MAPT: variants seen among roughly 807,000 people sequenced by gnomAD.
The protein encoded by MAPT is microtubule associated protein tau.
MAPT carries 34 observed loss-of-function variants against 67.9 expected under a neutral mutation model. That is an observed-to-expected ratio of 0.50 (90% confidence interval 0.38 to 0.67). MAPT has a LOEUF of 0.67. MAPT is among the 30% of genes least tolerant of loss of function. MAPT has a pLI of 0.00. For synonymous variants in MAPT, 456 were observed against 464.5 expected, an observed-to-expected ratio of 0.98 and a Z score of 0.23; for missense variants, 881 against 1,115.2, an observed-to-expected ratio of 0.79 and a Z score of 2.99.
intron 9 of MAPT, chr17:45,999,181 C>T: frequency 2.0e-6 from 3 of 1,488,010 alleles, no homozygotes; most frequent in Non-Finnish European, 2.7e-6. Flanking sequence ...CAGTTGCCAT[C>T]TCCTCCAGGA....
In MAPT at chr17:46,024,764, G is replaced by A. The variant is rs1324046818; in HGVS notation, c.*593G>A. ...GAGGAAGCACAAGAAGTGGGAGTGG[G>A]AGAGGAAGCCACGTGCTGGAGAGTA... On this transcript the variant is annotated 3_prime_UTR_variant, in exon 13 of 13. Transcript: ENST00000262410. 4 of 182,836 alleles carry A rather than the reference G, an allele frequency of 2.2e-5. No homozygotes were observed. The highest frequency in any genetic ancestry group is 2.1e-4 in the Admixed American group (4 of 18,620). 11.3% of individuals were successfully genotyped at this position (182,836 alleles called of 1,614,324 possible). A position where few individuals can be genotyped will look rare whatever the true frequency, so the allele number is the denominator to read the frequency against.
At chr17:45,970,683 A>C (rs1428277769) in intron 2 of MAPT, among the ~76,000 whole-genome samples, 1 of 152,220 alleles carries the variant, frequency 6.6e-6, no homozygotes. Flanking sequence ...GAGGAAACGG[A>C]GGCCCTGAGA....
intron 8 of MAPT, among the ~76,000 whole-genome samples, chr17:45,991,901 C>T (rs927198921): frequency 9.2e-5 from 14 of 151,986 alleles, no homozygotes; most frequent in African/African-American, 2.9e-4. Flanking sequence ...TCTCCTACCT[C>T]AGCCTCCCTA....
rs201057449 is a variant in MAPT, at chr17:45,996,442, C to T, written c.1776C>T (p.Pro592=). ...KSGDRSGYSS[P]GSPGTPGSRS... ...GGGATCGCAGCGGCTACAGCAGCCC[C>T]GGCTCCCCAGGCACTCCCGGCAGCC... The change falls in exon 9 of 13, where the codon CCC becomes CCT. Residue 592 remains proline (P), a synonymous_variant. Coordinates refer to ENST00000262410, the MANE Select transcript of MAPT (RefSeq NM_001377265.1). This position sits in a 1 kb window ranked among gnomAD's most constrained non-coding sequence, Gnocchi z 4.5. 1.5e-5 allele frequency: 24 copies of T among 1,612,824 alleles called. No homozygotes were observed. The highest frequency in any genetic ancestry group is 2.7e-5 in the African/African-American group (2 of 75,036).
rs1275279807 is a variant in MAPT, at chr17:45,971,651, G to T, written c.134-208G>T. ...ACGCACATCACCTGTGTCCTCATCT[G>T]ATGGCCCTGGTGTGGGGCACAGTCG... On this transcript the variant is annotated intron_variant, in intron 2 of 12. Transcript: ENST00000262410. This position sits in a 1 kb window ranked among gnomAD's most constrained non-coding sequence, Gnocchi z 4.3. Among the ~76,000 whole-genome samples, 1 of 152,194 alleles carries T rather than the reference G, an allele frequency of 6.6e-6. No homozygotes were observed. The highest frequency in any genetic ancestry group is 1.5e-5 in the Non-Finnish European group (1 of 68,034).
chr17:45,978,476 G>A (rs1439135083), intron 4 of MAPT, 36 bp downstream of exon 4: 8 of 1,406,040 alleles, frequency 5.7e-6, no homozygotes, highest in Non-Finnish European at 7.0e-6. Flanking sequence ...TGACTTGGGG[G>A]TTGGGGGGAG....
At chr17:46,012,207 G>A (rs2075863029) in intron 10 of MAPT, among the ~76,000 whole-genome samples, 1 of 152,192 alleles carries the variant, frequency 6.6e-6, no homozygotes, top group Non-Finnish European at 1.5e-5. Context: ...CGGAGCTGGG[G>A]AGAGAGTGCA....
intron 1 of MAPT, among the ~76,000 whole-genome samples, chr17:45,911,630 G>A (rs1176209872): frequency 3.3e-5 from 5 of 150,684 alleles, no homozygotes; most frequent in African/African-American, 7.3e-5. Flanking sequence ...TGGGCATGGC[G>A]GTGTGCGCTT....
chr17:45,942,010 G>C (rs546638521), intron 1 of MAPT, among the ~76,000 whole-genome samples: 3 of 152,110 alleles, frequency 2.0e-5, no homozygotes, highest in Non-Finnish European at 4.4e-5. Flanking sequence ...TCTGTAACGA[G>C]AGCATTTTGT....
At chr17:46,012,802 G>A (rs1348828243) in intron 10 of MAPT, among the ~76,000 whole-genome samples, 1 of 151,214 alleles carries the variant, frequency 6.6e-6, no homozygotes, top group East Asian at 1.9e-4. Flanking sequence ...GAGGGAAGAG[G>A]GAAGGAGGCC....
At chr17:45,986,222 T>C (rs2073523417) in intron 5 of MAPT, among the ~76,000 whole-genome samples, 1 of 152,190 alleles carries the variant, frequency 6.6e-6, no homozygotes, top group African/African-American at 2.4e-5. Flanking sequence ...CCACCAGGCC[T>C]GGCTCAGGGC....
At chr17:45,934,459 A>C (rs17564983) in intron 1 of MAPT, among the ~76,000 whole-genome samples, 21,825 of 152,160 alleles carry the variant, frequency 0.14, 2,137 homozygotes, top group Middle Eastern at 0.22. Context: ...GTTGTTTATC[A>C]TGTGGGTTTT....
chr17:45,963,668 C>T (rs779547314), intron 2 of MAPT, among the ~76,000 whole-genome samples: 5 of 152,072 alleles, frequency 3.3e-5, no homozygotes, highest in Admixed American at 6.6e-5. Context: ...ATGGGTAGTG[C>T]ATGGAAGCCG....
At chr17:45,917,855 C>A (rs1364904037) in intron 1 of MAPT, among the ~76,000 whole-genome samples, 2 of 151,902 alleles carry the variant, frequency 1.3e-5, no homozygotes, top group African/African-American at 4.8e-5. Flanking sequence ...TTCACTGCAA[C>A]CTCCGCCTCC....
At chr17:45,925,452 T>G (rs2066185992) in intron 1 of MAPT, among the ~76,000 whole-genome samples, 1 of 152,258 alleles carries the variant, frequency 6.6e-6, no homozygotes, top group Non-Finnish European at 1.5e-5. Flanking sequence ...AGCTTGTCAG[T>G]ATGCATAAAC....
rs2075773174 is a variant in MAPT, at chr17:46,010,795, G to A, written c.2091+393G>A. ...TAGCCCATTGGAAGTTGGGCTGAAG[G>A]TGGTGGCACCTGAGACTGGGCTGCC... is the stretch of plus-strand genomic sequence containing the variant. On this transcript the variant is annotated intron_variant, in intron 10 of 12. Coordinates refer to ENST00000262410, the MANE Select transcript of MAPT (RefSeq NM_001377265.1). This position sits in a 1 kb window ranked among gnomAD's most constrained non-coding sequence, Gnocchi z 4.7. Among the ~76,000 whole-genome samples, 1 of 152,230 alleles carries A rather than the reference G, an allele frequency of 6.6e-6. No homozygotes were observed. The highest frequency in any genetic ancestry group is 2.4e-5 in the African/African-American group (1 of 41,466).
At chr17:45,912,143 TA>T (rs67019322) in intron 1 of MAPT, among the ~76,000 whole-genome samples, 21,823 of 152,194 alleles carry the variant, frequency 0.14, 2,137 homozygotes, top group Non-Finnish European at 0.22. Flanking sequence ...TGTCTCCTAA[TA>T]AGGTGTGGTC....
chr17:45,996,596 G>A lies in MAPT; in HGVS notation c.1930G>A (p.Asp644Asn). The A allele has an allele frequency of 6.2e-7, 1 of 1,613,926 alleles. No individual in the cohort carries two copies. The highest frequency in any genetic ancestry group is 1.3e-5 in the African/African-American group (1 of 75,036). The change falls in exon 9 of 13, where the codon GAC (aspartate) becomes AAC (asparagine). Residue 644 changes from aspartate (D) to asparagine (N), a missense_variant. By Grantham distance (23) the Asp-to-Asn change is conservative. This residue lies in a region of MAPT where 45 missense variants were observed against 43.2 expected (regional missense o/e 1.04). Transcript: ENST00000262410. This position sits in a 1 kb window ranked among gnomAD's most constrained non-coding sequence, Gnocchi z 4.5. ...GCAGACAGCCCCCGTGCCCATGCCA[G>A]ACCTGAAGAATGTCAAGTCCAAGAT... The part of the protein sequence containing the change: ...RLQTAPVPMP[D>N]LKNVKSKIGS...
intron 1 of MAPT, among the ~76,000 whole-genome samples, chr17:45,942,456 A>G (rs560278745): frequency 2.0e-5 from 3 of 152,352 alleles, no homozygotes; most frequent in African/African-American, 7.2e-5. Context: ...GAGAGGGCCA[A>G]GGGGCACCAC....
Sources: gnomAD v4.1 joint callset for allele counts (sites outside exome capture counted in the v4.1 genomes callset) on GRCh38, gnomAD v4.1.1 for gene constraint, gnomAD v4.1.1 regional missense constraint, Gnocchi (gnomAD v3.1) non-coding constraint, MANE v1.5 for transcripts, NCBI Gene and HGNC (gene_info 2026-07-23, HGNC 2026-07-21) for gene names.